The following PTPRT variants were observed in gnomAD, a reference collection of about 807,000 sequenced individuals.
The protein encoded by PTPRT is receptor-type tyrosine-protein phosphatase T.
PTPRT carries 56 observed loss-of-function variants against 176.8 expected under a neutral mutation model. The ratio of observed to expected loss-of-function variants is 0.32; its 90% CI spans 0.26 to 0.40. PTPRT has a LOEUF of 0.40. Among genes scored for constraint, PTPRT ranks in the 10% least tolerant of loss-of-function variants. PTPRT has a pLI of 1.00. For synonymous variants in PTPRT, 783 were observed against 739.0 expected (o/e 1.06, Z -0.96); for missense variants, 1,540 against 1,908.2 (o/e 0.81, Z 3.60).
intron 1 of PTPRT, among the ~76,000 whole-genome samples, chr20:43,022,587 G>T (rs1051961222): frequency 6.6e-6 from 1 of 152,170 alleles, no homozygotes; most frequent in Non-Finnish European, 1.5e-5. Context: ...TCTGGAGAGG[G>T]GGCTGATTCC....
chr20:42,441,875 C>A (rs952955302), intron 9 of PTPRT, among the ~76,000 whole-genome samples: 2 of 152,204 alleles, frequency 1.3e-5, no homozygotes, highest in African/African-American at 4.8e-5. Flanking sequence ...TTATGCAAAT[C>A]ATGTGTCCTA....
chr20:42,937,680 T>A (rs1035420802), intron 1 of PTPRT, among the ~76,000 whole-genome samples: 3 of 152,230 alleles, frequency 2.0e-5, no homozygotes, highest in African/African-American at 7.2e-5. Flanking sequence ...CATTTGACAC[T>A]GATGAGAAGA....
chr20:42,533,394 CT>C (rs1313705805), intron 7 of PTPRT, among the ~76,000 whole-genome samples: 1 of 152,172 alleles, frequency 6.6e-6, no homozygotes, highest in Non-Finnish European at 1.5e-5. Flanking sequence ...TCTTGATCTT[CT>C]TTCTGAAGAC....
chr20:42,824,926 A>C (rs1241175879), intron 2 of PTPRT, among the ~76,000 whole-genome samples: 2 of 152,076 alleles, frequency 1.3e-5, no homozygotes, highest in Non-Finnish European at 2.9e-5. Flanking sequence ...TATGGAAAAT[A>C]TAAAAATGTT....
Position 42,074,605 on chromosome 20 carries a change from T to A in PTPRT, c.*6274A>T, listed in dbSNP as rs1381559844. ...ACTCTTCCCAATAGATTTTCTTTCA[T>A]CCTGAGCCCTTGCACTTCCCTTGTA... On this transcript the variant is annotated 3_prime_UTR_variant, in exon 31 of 31. Transcript: ENST00000373187. The A allele has an allele frequency of 5.1e-6, 2 of 395,350 alleles. No individual in the cohort carries two copies. Among genetic ancestry groups the A allele is most frequent in the Non-Finnish European group, 8.9e-6 (2 of 224,660 alleles). 24.5% of individuals were successfully genotyped at this position (395,350 alleles called of 1,614,324 possible). A position where few individuals can be genotyped will look rare whatever the true frequency, so the allele number is the denominator to read the frequency against.
intron 16 of PTPRT, among the ~76,000 whole-genome samples, chr20:42,180,699 C>T (rs1290904358): frequency 2.0e-5 from 3 of 152,174 alleles, no homozygotes; most frequent in Admixed American, 6.5e-5. Context: ...AAGCTTGTTA[C>T]ACTCTAACCT....
At position 43,083,368 on chromosome 20, in the gene PTPRT, AT is replaced by A. The variant is rs1444681607; in HGVS notation, c.88+106277del. Among the ~76,000 whole-genome samples the A allele has an allele frequency of 1.9e-3, 208 of 107,740 alleles. 6 individuals are homozygous for A. The highest frequency in any genetic ancestry group is 8.5e-3 in the East Asian group (35 of 4,120). The allele number at this position is 107,740 out of a possible 152,430, so 70.7% of individuals were successfully genotyped here. On this transcript the variant is annotated intron_variant, in intron 1 of 30. Transcript: ENST00000373187. ...TATATATATATATATATATATATAT[AT>A]ACATTTTTTGAGACAGAGTCTCGCT...
chr20:42,907,048 T>C (rs995692964), intron 1 of PTPRT, among the ~76,000 whole-genome samples: 6 of 152,004 alleles, frequency 3.9e-5, no homozygotes, highest in Admixed American at 3.9e-4. Flanking sequence ...TACAACCTAC[T>C]ACCTACAGTC....
Position 42,606,796 on chromosome 20 carries a change from G to A in PTPRT, c.1153+71070C>T, listed in dbSNP as rs1184818927. The A allele has an allele frequency of 3.3e-5, 5 of 152,256 alleles. No homozygotes were observed. In the South Asian group the frequency reaches 1.0e-3, roughly 32 times the overall value. The allele number at this position is 152,256 out of a possible 1,614,324, so 9.4% of individuals were successfully genotyped here. A position where few individuals can be genotyped will look rare whatever the true frequency, so the allele number is the denominator to read the frequency against. ...CCTTTTCTGCCATGATGACTGTCCAGCATGGAGAAGCATTGTGTCCAGTTG... is the reference window on the plus strand; with the variant it reads ...CCTTTTCTGCCATGATGACTGTCCAACATGGAGAAGCATTGTGTCCAGTTG... On this transcript the variant is annotated intron_variant, in intron 7 of 30. Coordinates refer to ENST00000373187, the MANE Select transcript of PTPRT (RefSeq NM_007050.6).
intron 1 of PTPRT, among the ~76,000 whole-genome samples, chr20:43,050,687 T>C (rs1485292790): frequency 6.6e-6 from 1 of 152,244 alleles, no homozygotes; most frequent in Admixed American, 6.5e-5. Context: ...ATCTGAAACA[T>C]GGGAATCATG....
intron 11 of PTPRT, among the ~76,000 whole-genome samples, chr20:42,337,243 A>G (rs1449293091): frequency 6.6e-6 from 1 of 152,196 alleles, no homozygotes; most frequent in African/African-American, 2.4e-5. Context: ...TTCGACCTCC[A>G]ACTTACAATG....
At chr20:42,780,575 C>A (rs909323290) in intron 3 of PTPRT, among the ~76,000 whole-genome samples, 1 of 152,156 alleles carries the variant, frequency 6.6e-6, no homozygotes, top group Non-Finnish European at 1.5e-5. Context: ...ACCGAGGTCT[C>A]GGAAACCCCA....
At chr20:42,093,243 T>C (rs1009935208) in intron 27 of PTPRT, among the ~76,000 whole-genome samples, 2 of 152,184 alleles carry the variant, frequency 1.3e-5, no homozygotes, top group African/African-American at 4.8e-5. Context: ...ATCTTGTCAA[T>C]GCTGTTGGAT....
chr20:42,655,794 G>C (rs1046439892), intron 7 of PTPRT, among the ~76,000 whole-genome samples: 5 of 152,192 alleles, frequency 3.3e-5, no homozygotes, highest in African/African-American at 7.2e-5. Flanking sequence ...TTACCAAATA[G>C]GAGTAGACCA....
intron 7 of PTPRT, among the ~76,000 whole-genome samples, chr20:42,614,800 C>G (rs1344969485): frequency 6.6e-6 from 1 of 152,066 alleles, no homozygotes; most frequent in Non-Finnish European, 1.5e-5. Context: ...TTCCACATGG[C>G]TGGGGAGGCC....
rs147511577 is a variant in PTPRT, at chr20:43,050,955, G to A, written c.88+138691C>T. 9.2e-3 allele frequency among the ~76,000 whole-genome samples: 1,404 copies of A among 152,288 alleles called. 18 individuals carry two copies. Among genetic ancestry groups the A allele is most frequent in the Non-Finnish European group, 0.016 (1,083 of 68,018 alleles). On this transcript the variant is annotated intron_variant, in intron 1 of 30. Transcript: ENST00000373187. ...CCTCAATCTGAATCCTCCCAAGGCA[G>A]TTTTTTGAAGCTATCAGAAGAAAGT...
At chr20:42,502,698 C>T (rs2071773351) in intron 7 of PTPRT, among the ~76,000 whole-genome samples, 1 of 152,054 alleles carries the variant, frequency 6.6e-6, no homozygotes, top group South Asian at 2.1e-4. Flanking sequence ...ATTCTCCAGA[C>T]ATAAACATTT....
intron 16 of PTPRT, among the ~76,000 whole-genome samples, chr20:42,190,696 C>CA (rs1452886688): frequency 1.3e-5 from 2 of 152,100 alleles, no homozygotes; most frequent in African/African-American, 4.8e-5. Flanking sequence ...AACAAGTTCC[C>CA]AGGAGATGCT....
chr20:43,188,761 G>GT (rs1256682361), intron 1 of PTPRT, among the ~76,000 whole-genome samples: 2 of 147,664 alleles, frequency 1.4e-5, no homozygotes, highest in African/African-American at 2.4e-5. Flanking sequence ...GGGGGGGGGG[G>GT]GCTCGGGGGT....
Sources: allele counts gnomAD v4.1 joint callset (sites outside exome capture counted in the v4.1 genomes callset), GRCh38; gene constraint gnomAD v4.1.1; transcripts MANE v1.5; gene names NCBI Gene and HGNC (gene_info 2026-07-23, HGNC 2026-07-21).